Variants in ABTB2 observed in about 807,000 individuals in gnomAD.
ABTB2 encodes ankyrin repeat and BTB/POZ domain-containing protein 2.
A neutral mutation model predicts 104.1 loss-of-function variants in ABTB2; 56 were observed. The observed-to-expected ratio is 0.54, with a 90% CI of 0.43 to 0.67. The LOEUF (loss-of-function observed/expected upper bound fraction) is 0.67, where lower values mean the gene tolerates loss of function less well. Among genes scored for constraint, ABTB2 ranks in the 30% least tolerant of loss-of-function variants. The pLI is 0.00. For synonymous variants in ABTB2, 606 were observed against 608.2 expected (o/e 1.00, Z 0.05); for missense variants, 1,279 against 1,407.7 (o/e 0.91, Z 1.46).
At chr11:34,318,529 C>A (rs1854966969) in intron 1 of ABTB2, among the ~76,000 whole-genome samples, 2 of 152,138 alleles carry the variant, frequency 1.3e-5, no homozygotes, top group South Asian at 4.1e-4. Flanking sequence ...TCTGAGGGAC[C>A]AAGGGACTGG....
intron 9 of ABTB2, among the ~76,000 whole-genome samples, chr11:34,164,226 A>G (rs1852764510): frequency 6.6e-6 from 1 of 152,084 alleles, no homozygotes; most frequent in Non-Finnish European, 1.5e-5. Context: ...ACCCCTGGGC[A>G]GGCCTGGTCC....
chr11:34,322,166 G>A (rs747288457), intron 1 of ABTB2, among the ~76,000 whole-genome samples: 3 of 152,166 alleles, frequency 2.0e-5, no homozygotes, highest in South Asian at 2.1e-4. Context: ...TAGGTCTGAC[G>A]TCAAATACCT....
At chr11:34,181,505 C>T (rs1411194841) in intron 3 of ABTB2, among the ~76,000 whole-genome samples, 5 of 152,196 alleles carry the variant, frequency 3.3e-5, no homozygotes, top group Non-Finnish European at 7.3e-5. Context: ...TGTTCCCATC[C>T]TGGCAGGCCA....
intron 3 of ABTB2, among the ~76,000 whole-genome samples, chr11:34,180,591 G>C (rs1853014083): frequency 6.6e-6 from 1 of 152,232 alleles, no homozygotes; most frequent in Non-Finnish European, 1.5e-5. Flanking sequence ...ACATGAAATA[G>C]ACCAATGGAA....
intron 1 of ABTB2, among the ~76,000 whole-genome samples, chr11:34,304,066 C>T (rs1397494549): frequency 6.6e-6 from 1 of 152,118 alleles, no homozygotes; most frequent in Non-Finnish European, 1.5e-5. Context: ...CTCTGAGTAG[C>T]ATGATGAAAT....
At chr11:34,316,206 C>T (rs553448502) in intron 1 of ABTB2, among the ~76,000 whole-genome samples, 10 of 152,324 alleles carry the variant, frequency 6.6e-5, no homozygotes, top group African/African-American at 1.4e-4. Context: ...CAGCACCCAA[C>T]GTGAGGCTGT....
At chr11:34,174,708 C>T (rs1852939135) in intron 3 of ABTB2, among the ~76,000 whole-genome samples, 1 of 152,270 alleles carries the variant, frequency 6.6e-6, no homozygotes. Context: ...CCGAGGGGCC[C>T]GGATGGCAGC....
At position 34,172,393 on chromosome 11, in the gene ABTB2, AAAATATAT is replaced by A. The variant is rs1251280971; in HGVS notation, c.1397+754_1397+761del. On this transcript the variant is annotated intron_variant, in intron 4 of 16. Transcript: ENST00000435224. Reference sequence around the variant, plus strand: ...TCTCAAAAAAAAAAAAAAAAAAAAAAAAATATATATATATATATATATATATGTGTGTG... The same window carrying A: ...TCTCAAAAAAAAAAAAAAAAAAAAAAATATATATATATATATATGTGTGTG... 3.7e-3 allele frequency among the ~76,000 whole-genome samples: 105 copies of A among 28,202 alleles called. 4 individuals are homozygous for A. The highest frequency in any genetic ancestry group is 8.7e-3 in the African/African-American group (88 of 10,066). The allele number at this position is 28,202 out of a possible 152,430, so 18.5% of individuals were successfully genotyped here.
intron 1 of ABTB2, among the ~76,000 whole-genome samples, chr11:34,337,384 A>G (rs1358386278): frequency 2.0e-5 from 3 of 152,244 alleles, no homozygotes; most frequent in Admixed American, 6.5e-5. Context: ...AAGGTTCTCA[A>G]AGCCAGGACT....
intron 1 of ABTB2, among the ~76,000 whole-genome samples, chr11:34,278,856 CACTT>C (rs1269277482): frequency 6.6e-6 from 1 of 152,150 alleles, no homozygotes; most frequent in African/African-American, 2.4e-5. Context: ...ACTTGGAAAA[CACTT>C]AGGAGATGTG....
chr11:34,186,657 A>G (rs1853104075), intron 3 of ABTB2, among the ~76,000 whole-genome samples: 2 of 152,294 alleles, frequency 1.3e-5, no homozygotes, highest in Non-Finnish European at 2.9e-5. Flanking sequence ...AGGAAGTCCC[A>G]TGCAACAGCC....
At position 34,151,928 on chromosome 11, in the gene ABTB2, AC is replaced by A; in HGVS notation, c.*458del. 6.3e-6 allele frequency: 1 copy of A among 158,354 alleles called. No individual in the cohort carries two copies. The highest frequency in any genetic ancestry group is 6.3e-5 in the Admixed American group (1 of 15,956). 9.8% of individuals were successfully genotyped at this position (158,354 alleles called of 1,614,324 possible). On this transcript the variant is annotated 3_prime_UTR_variant, in exon 17 of 17. Coordinates refer to ENST00000435224, the MANE Select transcript of ABTB2 (RefSeq NM_145804.3). ...GAAGAAAAATACCAGCTTTTGAATT[AC>A]TGCAGACGACTGGGGGCCTAGGCAG...
intron 3 of ABTB2, among the ~76,000 whole-genome samples, chr11:34,179,843 C>T (rs1411999254): frequency 6.6e-6 from 1 of 152,150 alleles, no homozygotes; most frequent in Non-Finnish European, 1.5e-5. Context: ...AGTGTATTCC[C>T]AATGAGTTCA....
intron 1 of ABTB2, among the ~76,000 whole-genome samples, chr11:34,239,263 T>A (rs972095946): frequency 1.3e-5 from 2 of 152,178 alleles, no homozygotes; most frequent in African/African-American, 4.8e-5. Flanking sequence ...TGCGCCCACC[T>A]CTGAGCTTGT....
At chr11:34,309,358 A>T (rs1197282133) in intron 1 of ABTB2, among the ~76,000 whole-genome samples, 1 of 152,218 alleles carries the variant, frequency 6.6e-6, no homozygotes, top group Non-Finnish European at 1.5e-5. Flanking sequence ...GAGTTAATAC[A>T]TCACTAACAA....
intron 1 of ABTB2, among the ~76,000 whole-genome samples, chr11:34,210,107 G>A (rs1247618711): frequency 6.6e-6 from 1 of 152,114 alleles, no homozygotes; most frequent in East Asian, 1.9e-4. Context: ...GACGGAAGCT[G>A]GTGGACTGCA....
intron 1 of ABTB2, among the ~76,000 whole-genome samples, chr11:34,235,251 C>G (rs1027109579): frequency 1.3e-5 from 2 of 152,078 alleles, no homozygotes; most frequent in African/African-American, 2.4e-5. Flanking sequence ...CAGGGATTGC[C>G]TGAAAAATGT....
chr11:34,300,758 T>C (rs1274890263), intron 1 of ABTB2, among the ~76,000 whole-genome samples: 1 of 152,210 alleles, frequency 6.6e-6, no homozygotes, highest in Non-Finnish European at 1.5e-5. Context: ...GCAATAAAGA[T>C]AACCAATGAG....
intron 1 of ABTB2, among the ~76,000 whole-genome samples, chr11:34,348,751 T>G (rs1436480489): frequency 6.6e-6 from 1 of 152,194 alleles, no homozygotes; most frequent in Non-Finnish European, 1.5e-5. Flanking sequence ...AAACAGCTCC[T>G]GAAAAGCACC....
Sources: allele counts gnomAD v4.1 joint callset (sites outside exome capture counted in the v4.1 genomes callset), GRCh38; gene constraint gnomAD v4.1.1; transcripts MANE v1.5; gene names NCBI Gene and HGNC (gene_info 2026-07-23, HGNC 2026-07-21).